RAB9A: variants seen among roughly 807,000 people sequenced by gnomAD.
RAB9A encodes ras-related protein Rab-9A.
A neutral mutation model predicts 10.3 loss-of-function variants in RAB9A; 1 was observed. The observed-to-expected ratio is 0.10, with a 90% confidence interval of 0.03 to 0.46. The LOEUF (loss-of-function observed/expected upper bound fraction) is 0.46, where lower values mean the gene tolerates loss of function less well. Ranked by LOEUF, RAB9A falls within the 20% of genes least tolerant of loss-of-function variation. The pLI is 0.96. For missense variants in RAB9A, 92 were observed against 150.3 expected (o/e 0.61, Z 2.03); for synonymous variants, 39 against 55.2 (o/e 0.71, Z 1.30).
chrX:13,705,143 A>G (rs1227228402), intron 2 of RAB9A, among the ~76,000 whole-genome samples: 1 of 112,104 alleles, frequency 8.9e-6, no homozygotes, highest in Non-Finnish European at 1.9e-5. Flanking sequence ...AATATTTTTA[A>G]TGTCCATAAG....
chrX:13,707,524 A>G (rs757175063), intron 2 of RAB9A, among the ~76,000 whole-genome samples: 43 of 112,070 alleles, frequency 3.8e-4, no homozygotes, highest in Non-Finnish European at 7.3e-4. Context: ...TGCTCCCACC[A>G]GCACCTAGAA....
intron 1 of RAB9A, among the ~76,000 whole-genome samples, chrX:13,701,804 T>G (rs182946205): frequency 1.1e-3 from 122 of 111,058 alleles, no homozygotes; most frequent in African/African-American, 3.8e-3. Flanking sequence ...AAACACGAAG[T>G]CATATAGTAA....
chrX:13,690,336 T>C (rs931190165), intron 1 of RAB9A, among the ~76,000 whole-genome samples: 2 of 112,477 alleles, frequency 1.8e-5, no homozygotes, highest in Non-Finnish European at 3.7e-5. Flanking sequence ...AGTAGTTATT[T>C]GGATTCCTAA....
chrX:13,708,782 C>T lies in RAB9A; in HGVS notation c.36C>T (p.Leu12=). The T allele has an allele frequency of 8.4e-7, 1 of 1,197,603 alleles. No individual in the cohort carries two copies. Among genetic ancestry groups the T allele is most frequent in the Non-Finnish European group, 1.1e-6 (1 of 887,384 alleles). The change falls in exon 3 of 3, where the codon CTC becomes CTT. Residue 12 remains leucine (L), a synonymous_variant. Transcript: ENST00000464506. The part of the protein sequence containing the change: ...AGKSSLFKVI[L]LGDGGVGKSS... ...AATCATCACTTTTTAAAGTAATTCTCCTTGGAGATGGTGGAGTTGGGAAGA... is the reference window on the plus strand; with the variant it reads ...AATCATCACTTTTTAAAGTAATTCTTCTTGGAGATGGTGGAGTTGGGAAGA...
intron 1 of RAB9A, among the ~76,000 whole-genome samples, chrX:13,692,403 G>C: frequency 8.9e-6 from 1 of 112,248 alleles, no homozygotes; most frequent in Non-Finnish European, 1.9e-5. Flanking sequence ...TAAATAAAAT[G>C]GGGAAAACTT....
intron 1 of RAB9A, among the ~76,000 whole-genome samples, chrX:13,689,782 C>T (rs990122586): frequency 8.0e-5 from 9 of 111,917 alleles, no homozygotes; most frequent in Non-Finnish European, 1.7e-4. Flanking sequence ...TACGACCACT[C>T]GGGTGAGGAA....
At chrX:13,691,025 G>T (rs1345736947) in intron 1 of RAB9A, among the ~76,000 whole-genome samples, 5 of 111,636 alleles carry the variant, frequency 4.5e-5, no homozygotes, top group Non-Finnish European at 3.8e-5. Context: ...CACACCTGGG[G>T]GCAAGGGAGG....
intron 1 of RAB9A, among the ~76,000 whole-genome samples, chrX:13,696,601 C>G (rs1456543251): frequency 8.9e-6 from 1 of 111,813 alleles, no homozygotes; most frequent in Non-Finnish European, 1.9e-5. Context: ...AAGAACTTTT[C>G]CCTGTATTCA....
At chrX:13,692,777 C>T (rs1210651963) in intron 1 of RAB9A, among the ~76,000 whole-genome samples, 1 of 111,864 alleles carries the variant, frequency 8.9e-6, no homozygotes, top group Non-Finnish European at 1.9e-5. Context: ...GTGTTATTCA[C>T]GCAATCAACA....
chrX:13,691,737 A>G (rs1265550330), intron 1 of RAB9A, among the ~76,000 whole-genome samples: 1 of 110,084 alleles, frequency 9.1e-6, no homozygotes, highest in African/African-American at 3.3e-5. Context: ...TAAGGCAAAA[A>G]TGACAAAAAG....
intron 1 of RAB9A, among the ~76,000 whole-genome samples, chrX:13,702,016 C>T (rs1246675219): frequency 9.0e-6 from 1 of 111,178 alleles, no homozygotes; most frequent in Non-Finnish European, 1.9e-5. Flanking sequence ...TCACCCACTG[C>T]TGAAGCTATT....
intron 1 of RAB9A, among the ~76,000 whole-genome samples, chrX:13,692,894 G>C (rs1017098767): frequency 2.2e-4 from 25 of 112,288 alleles, no homozygotes; most frequent in African/African-American, 8.1e-4. Context: ...TGTCTGCTGT[G>C]GGGTAGGGAG....
At chrX:13,702,902 A>G (rs1418812695) in intron 1 of RAB9A, among the ~76,000 whole-genome samples, 2 of 112,335 alleles carry the variant, frequency 1.8e-5, no homozygotes, top group Non-Finnish European at 3.8e-5. Flanking sequence ...CTCACTAAAT[A>G]CTTATTGAAA....
Position 13,708,888 on chromosome X carries a change from G to A in RAB9A, c.142G>A (p.Asp48Asn), listed in dbSNP as rs1352556070. ...AATAGGTGTGGAATTTTTAAATAAAGATTTGGAAGTGGATGGACATTTTGT... is the reference window on the plus strand; with the variant it reads ...AATAGGTGTGGAATTTTTAAATAAAAATTTGGAAGTGGATGGACATTTTGT... ...HTIGVEFLNK[D>N]LEVDGHFVTM... Residue 48 changes from aspartate to asparagine, a missense_variant, in exon 3 of 3, where the codon GAT becomes AAT. Physicochemically the swap from Asp to Asn is conservative, Grantham distance 23 (BLOSUM62 1). Transcript: ENST00000464506. 2 of 1,209,178 alleles carry A rather than the reference G, an allele frequency of 1.7e-6. No individual in the cohort carries two copies. Among genetic ancestry groups the A allele is most frequent in the Non-Finnish European group, 2.2e-6 (2 of 894,862 alleles).
intron 2 of RAB9A, among the ~76,000 whole-genome samples, chrX:13,707,532 GAAGTAGC>G (rs2046203270): frequency 8.9e-6 from 1 of 112,038 alleles, no homozygotes; most frequent in African/African-American, 3.2e-5. Flanking sequence ...CCAGCACCTA[GAAGTAGC>G]TGTCTGTCAA....
In RAB9A at chrX:13,709,749, G is replaced by A. The variant is rs1018909225; in HGVS notation, c.*397G>A. The A allele has an allele frequency of 1.6e-5, 2 of 125,692 alleles. No homozygotes were observed. The highest frequency in any genetic ancestry group is 6.5e-5 in the African/African-American group (2 of 30,959). The allele number at this position is 125,692 out of a possible 1,213,427, so 10.4% of individuals were successfully genotyped here. A position where few individuals can be genotyped will look rare whatever the true frequency, so the allele number is the denominator to read the frequency against. On this transcript the variant is annotated 3_prime_UTR_variant, in exon 3 of 3. Transcript: ENST00000464506. ...TGTATGTTTTTATGCAATTAGCATT[G>A]TATTCTTGGTTCAGGGAAATACTTT...
At chrX:13,691,703 G>A (rs1328595369) in intron 1 of RAB9A, among the ~76,000 whole-genome samples, 1 of 102,077 alleles carries the variant, frequency 9.8e-6, no homozygotes, top group East Asian at 3.0e-4. Flanking sequence ...AATAATTTCT[G>A]GTAGCAGAAT....
At chrX:13,695,068 G>A (rs1191729128) in intron 1 of RAB9A, among the ~76,000 whole-genome samples, 3 of 111,969 alleles carry the variant, frequency 2.7e-5, no homozygotes, top group African/African-American at 9.8e-5. Context: ...CAGCCTTTCA[G>A]GGACCCCTCG....
Position 13,708,851 on chromosome X carries a change from G to T in RAB9A, c.105G>T (p.Gln35His). ...ATGTAACTAATAAGTTTGATACCCA[G>T]CTCTTCCATACAATAGGTGTGGAAT... ...NRYVTNKFDT[Q>H]LFHTIGVEFL... Residue 35 changes from glutamine to histidine, a missense_variant, in exon 3 of 3, where the codon CAG (glutamine) becomes CAT (histidine). Transcript: ENST00000464506. 8.3e-7 allele frequency: 1 copy of T among 1,209,399 alleles called. No homozygotes were observed. The highest frequency in any genetic ancestry group is 1.1e-6 in the Non-Finnish European group (1 of 893,464).
Sources: gnomAD v4.1 joint callset for allele counts (sites outside exome capture counted in the v4.1 genomes callset) on GRCh38, gnomAD v4.1.1 for gene constraint, MANE v1.5 for transcripts, NCBI Gene and HGNC (gene_info 2026-07-23, HGNC 2026-07-21) for gene names.